Variants in OSBP2 observed in about 807,000 individuals in gnomAD.
The protein encoded by OSBP2 is oxysterol-binding protein 2.
OSBP2 carries 66 observed loss-of-function variants against 96.0 expected under a neutral mutation model. That is an observed-to-expected ratio of 0.69 (90% CI 0.56 to 0.84). The LOEUF (loss-of-function observed/expected upper bound fraction) is 0.84. OSBP2 is among the 40% of genes least tolerant of loss of function. OSBP2 has a pLI of 0.00. For synonymous variants in OSBP2, 525 were observed against 520.9 expected (o/e 1.01, Z -0.11); for missense variants, 1,038 against 1,222.7 (o/e 0.85, Z 2.25).
intron 2 of OSBP2, among the ~76,000 whole-genome samples, chr22:30,834,772 A>G (rs138977227): frequency 5.8e-4 from 86 of 147,426 alleles, no homozygotes; most frequent in Middle Eastern, 3.5e-3. Flanking sequence ...TTTCAGAAAT[A>G]TTTTCTCCTA....
At chr22:30,822,584 G>A (rs1188401973) in intron 2 of OSBP2, 9 of 1,519,818 alleles carry the variant, frequency 5.9e-6, no homozygotes, top group Non-Finnish European at 6.2e-6. Context: ...CCCGGGACCC[G>A]GCGCCATGTA....
At chr22:30,785,336 A>G (rs999291027) in intron 2 of OSBP2, among the ~76,000 whole-genome samples, 17 of 152,094 alleles carry the variant, frequency 1.1e-4, no homozygotes, top group Non-Finnish European at 2.1e-4. Context: ...TGGGAGGCCA[A>G]GGCAAGTGGA....
At chr22:30,764,191 C>T (rs1203224936) in intron 2 of OSBP2, 4 of 967,718 alleles carry the variant, frequency 4.1e-6, no homozygotes, top group Middle Eastern at 1.1e-3. Context: ...GATGTCATAA[C>T]TCTATTCTGA....
chr22:30,723,726 A>T (rs577594134), intron 1 of OSBP2, among the ~76,000 whole-genome samples: 1 of 152,062 alleles, frequency 6.6e-6, no homozygotes, highest in South Asian at 2.1e-4. Context: ...ATTTTTATTT[A>T]AAAAAACCTT....
chr22:30,762,895 G>T (rs753618908), intron 2 of OSBP2, among the ~76,000 whole-genome samples: 2 of 152,112 alleles, frequency 1.3e-5, no homozygotes, highest in Non-Finnish European at 2.9e-5. Context: ...CAGAGTCCCC[G>T]CTTGTCAGTC....
In OSBP2 at chr22:30,744,249, T is replaced by C. The variant is rs191692771; in HGVS notation, c.853+2880T>C. 1.7e-4 allele frequency among the ~76,000 whole-genome samples: 26 copies of C among 152,268 alleles called. No homozygotes were observed. The East Asian group carries it at 5.0e-3, about 29-fold the overall frequency. On this transcript the variant is annotated intron_variant, in intron 2 of 13. Coordinates refer to ENST00000332585, the MANE Select transcript of OSBP2 (RefSeq NM_030758.4). ...GCTGATGTGAGAGAGTTGTGGTTTG[T>C]AACTTTTTGCCTGTCTTGGAGTCAG...
At chr22:30,757,013 C>T (rs1400526949) in intron 2 of OSBP2, among the ~76,000 whole-genome samples, 1 of 150,164 alleles carries the variant, frequency 6.7e-6, no homozygotes, top group Non-Finnish European at 1.5e-5. Context: ...GACCACACTC[C>T]TCAAACGCAG....
intron 3 of OSBP2, among the ~76,000 whole-genome samples, chr22:30,880,661 CAG>C (rs1388940915): frequency 3.9e-5 from 6 of 152,312 alleles, no homozygotes; most frequent in African/African-American, 9.6e-5. Flanking sequence ...AGGTCACACA[CAG>C]GGGACCCAGG....
At chr22:30,775,796 G>A (rs2090426471) in intron 2 of OSBP2, among the ~76,000 whole-genome samples, 4 of 151,758 alleles carry the variant, frequency 2.6e-5, no homozygotes, top group Admixed American at 6.6e-5. Context: ...TTTTGGGGGG[G>A]AGGTTGTTTT....
intron 2 of OSBP2, among the ~76,000 whole-genome samples, chr22:30,811,080 C>G (rs1272483755): frequency 6.6e-6 from 1 of 151,974 alleles, no homozygotes; most frequent in Non-Finnish European, 1.5e-5. Context: ...ACTCATCTCC[C>G]TAGAGATATA....
chr22:30,887,560 G>A lies in OSBP2; in HGVS notation c.1242G>A (p.Glu414=). ...EQLAKQHNSL[E]RAFHSAPGRP... is the part of the protein sequence containing the mutation. ...TGGCGAAGCAGCACAACAGCCTCGA[G>A]CGGGCCTTCCACAGTGCCCCTGGCC... The change falls in exon 4 of 14, where the codon GAG becomes GAA. Residue 414 remains glutamate, a synonymous_variant. Coordinates refer to ENST00000332585, the MANE Select transcript of OSBP2 (RefSeq NM_030758.4). 2 of 1,613,270 alleles carry A rather than the reference G, an allele frequency of 1.2e-6. No individual in the cohort carries two copies. Among genetic ancestry groups the A allele is most frequent in the Non-Finnish European group, 1.7e-6 (2 of 1,179,918 alleles).
chr22:30,761,082 C>T (rs1211021303), intron 2 of OSBP2, among the ~76,000 whole-genome samples: 1 of 152,106 alleles, frequency 6.6e-6, no homozygotes, highest in Admixed American at 6.6e-5. Flanking sequence ...TCCATGCTCA[C>T]CCCTCATATT....
intron 2 of OSBP2, among the ~76,000 whole-genome samples, chr22:30,844,968 T>C (rs889257352): frequency 4.6e-5 from 7 of 152,264 alleles, no homozygotes; most frequent in Admixed American, 1.3e-4. Flanking sequence ...AAAGGGAGGC[T>C]CAAGAAGGAG....
intron 3 of OSBP2, among the ~76,000 whole-genome samples, chr22:30,883,667 G>A (rs936639774): frequency 6.6e-6 from 1 of 152,176 alleles, no homozygotes; most frequent in Non-Finnish European, 1.5e-5. Flanking sequence ...TCCTTGCTGG[G>A]TGCCCTCAGG....
rs773355078 is a variant in OSBP2, at chr22:30,906,206, C to T, written c.2618C>T (p.Ala873Val). The change falls in exon 14 of 14, where the codon GCG becomes GTG. Residue 873 changes from alanine (A) to valine (V), a missense_variant. Coordinates refer to ENST00000332585, the MANE Select transcript of OSBP2 (RefSeq NM_030758.4). ...SSCSSEEEKEADAYTPLWFEK... is the reference protein window; with the variant it reads ...SSCSSEEEKEVDAYTPLWFEK... ...TGTGCCTGCCCAGCAGAGAAGGAGG[C>T]GGATGCCTACACGCCACTGTGGTTT... The T allele has an allele frequency of 1.9e-6, 3 of 1,613,928 alleles. No individual in the cohort carries two copies. The highest frequency in any genetic ancestry group is 1.1e-5 in the South Asian group (1 of 91,090).
chr22:30,725,551 A>C lies in OSBP2; in HGVS notation c.645-15610A>C, dbSNP rs564045324. Among the ~76,000 whole-genome samples the C allele has an allele frequency of 1.9e-3, 290 of 151,246 alleles. 1 individual carries two copies. The highest frequency in any genetic ancestry group is 0.017 in the Middle Eastern group (5 of 294). On this transcript the variant is annotated intron_variant, in intron 1 of 13. Coordinates refer to ENST00000332585, the MANE Select transcript of OSBP2 (RefSeq NM_030758.4). The stretch of plus-strand genomic sequence containing the variant: ...ACAAAAACAAAAACAAAAACAAAAA[A>C]AAAAACACACAAAAAAAACAAATTC...
chr22:30,824,193 C>T (rs1308613046), intron 2 of OSBP2, among the ~76,000 whole-genome samples: 1 of 152,168 alleles, frequency 6.6e-6, no homozygotes, highest in African/African-American at 2.4e-5. Context: ...CCCCTCTAGG[C>T]CAGCCAGCCT....
chr22:30,891,383 G>A (rs952566842), intron 8 of OSBP2, among the ~76,000 whole-genome samples: 1 of 152,200 alleles, frequency 6.6e-6, no homozygotes, highest in East Asian at 1.9e-4. Flanking sequence ...GCCAGTGACA[G>A]CAGCCTGTCC....
chr22:30,797,534 G>A (rs1323131296), intron 2 of OSBP2, among the ~76,000 whole-genome samples: 4 of 151,380 alleles, frequency 2.6e-5, no homozygotes, highest in East Asian at 2.0e-4. Context: ...AGCCCACCTC[G>A]GCCTCCCAAA....
Sources: allele counts gnomAD v4.1 joint callset (sites outside exome capture counted in the v4.1 genomes callset), GRCh38; gene constraint gnomAD v4.1.1; transcripts MANE v1.5; gene names NCBI Gene and HGNC (gene_info 2026-07-23, HGNC 2026-07-21).